Variants in SLC35G2 observed in about 807,000 individuals in gnomAD.
SLC35G2 encodes the protein transmembrane protein 22.
In SLC35G2, 20 loss-of-function variants were observed where a neutral mutation model predicts 27.2. The observed-to-expected ratio is 0.74, with a 90% CI of 0.52 to 1.07. The LOEUF is 1.07. SLC35G2 is among the 50% of genes least tolerant of loss of function. The pLI, the probability that SLC35G2 is intolerant of heterozygous loss-of-function variation, is 0.00. For missense variants in SLC35G2, 416 were observed against 493.3 expected, an observed-to-expected ratio of 0.84 and a Z score of 1.48; for synonymous variants, 148 against 165.3, an observed-to-expected ratio of 0.90 and a Z score of 0.80.
chr3:136,839,717 C>T (rs1212946289), intron 1 of SLC35G2, among the ~76,000 whole-genome samples: 1 of 152,176 alleles, frequency 6.6e-6, no homozygotes, highest in Non-Finnish European at 1.5e-5. Flanking sequence ...CCTCCCAGAG[C>T]CAGCTGTTGA....
intron 1 of SLC35G2, among the ~76,000 whole-genome samples, chr3:136,843,632 T>G (rs1036495039): frequency 6.7e-6 from 1 of 148,878 alleles, no homozygotes; most frequent in African/African-American, 2.5e-5. Flanking sequence ...GGCGACAGAG[T>G]GAGACCCTGT....
intron 1 of SLC35G2, chr3:136,838,700 C>T (rs889008390): frequency 6.6e-6 from 1 of 152,148 alleles, no homozygotes; most frequent in Admixed American, 6.5e-5. Context: ...AAAAATAGGA[C>T]AAATGTGAGC....
chr3:136,832,958 A>G (rs1375467790), intron 1 of SLC35G2, among the ~76,000 whole-genome samples: 1 of 152,002 alleles, frequency 6.6e-6, no homozygotes, highest in East Asian at 1.9e-4. Context: ...AGTCCCAGCT[A>G]CTTGGGAGGC....
chr3:136,826,195 C>A (rs564206269), intron 1 of SLC35G2, among the ~76,000 whole-genome samples: 1 of 152,026 alleles, frequency 6.6e-6, no homozygotes, highest in African/African-American at 2.4e-5. Context: ...CGCCACAATG[C>A]CCGGCTAATT....
At chr3:136,851,294 A>G (rs1257059567) in intron 1 of SLC35G2, among the ~76,000 whole-genome samples, 1 of 151,830 alleles carries the variant, frequency 6.6e-6, no homozygotes, top group Non-Finnish European at 1.5e-5. Flanking sequence ...GGAGATCGAG[A>G]CCGTCCTGGC....
At chr3:136,853,056 A>G (rs1181879660) in intron 1 of SLC35G2, among the ~76,000 whole-genome samples, 2 of 152,106 alleles carry the variant, frequency 1.3e-5, no homozygotes. Context: ...CAGTAAGTTC[A>G]ACTTTTTTTC....
intron 1 of SLC35G2, 30 bp from the exon 2 acceptor site, chr3:136,854,413 G>A (rs1937852528): frequency 7.2e-7 from 1 of 1,379,900 alleles, no homozygotes; most frequent in African/African-American, 1.5e-5. Flanking sequence ...TGAAATGAAT[G>A]TCTTTTTGTC....
intron 1 of SLC35G2, among the ~76,000 whole-genome samples, chr3:136,851,496 CAAAA>C (rs11427657): frequency 1.2e-4 from 8 of 66,508 alleles, no homozygotes; most frequent in East Asian, 5.8e-4. Flanking sequence ...GACTCCGTCT[CAAAA>C]AAAAAAAAAA....
intron 1 of SLC35G2, among the ~76,000 whole-genome samples, chr3:136,828,994 A>T (rs549546602): frequency 2.6e-5 from 4 of 152,198 alleles, no homozygotes; most frequent in Non-Finnish European, 5.9e-5. Context: ...TAAACATGCA[A>T]AAAAGAAAAC....
chr3:136,842,014 T>A (rs2108015298), intron 1 of SLC35G2: 1 of 152,316 alleles, frequency 6.6e-6, no homozygotes, highest in South Asian at 2.1e-4. Flanking sequence ...TAATAAGTTG[T>A]CTTAATATTT....
At chr3:136,840,907 G>C (rs1937063549) in intron 1 of SLC35G2, among the ~76,000 whole-genome samples, 3 of 147,452 alleles carry the variant, frequency 2.0e-5, no homozygotes, top group Non-Finnish European at 4.5e-5. Flanking sequence ...ACAGACGTGA[G>C]CCACTGTGCC....
At chr3:136,848,028 G>A (rs913600923) in intron 1 of SLC35G2, among the ~76,000 whole-genome samples, 1 of 152,130 alleles carries the variant, frequency 6.6e-6, no homozygotes, top group Non-Finnish European at 1.5e-5. Context: ...AACCCCATGA[G>A]CACAGGATAA....
intron 1 of SLC35G2, among the ~76,000 whole-genome samples, chr3:136,832,435 C>CT (rs1936752756): frequency 6.6e-6 from 1 of 152,186 alleles, no homozygotes; most frequent in East Asian, 1.9e-4. Flanking sequence ...ATTACTTTTG[C>CT]TTTGTTCACC....
chr3:136,838,820 T>G lies in SLC35G2; in HGVS notation c.-18-15623T>G, dbSNP rs1453447010. 3 of 152,246 alleles carry G rather than the reference T, an allele frequency of 2.0e-5. No individual in the cohort carries two copies. The East Asian group carries it at 5.8e-4, about 29-fold the overall frequency. 9.4% of individuals were successfully genotyped at this position (152,246 alleles called of 1,614,324 possible). ...TATCCTGGGCAGTTGGAAGCCTTCT[T>G]TAAACTCAGCTGGGCTGCTCTGATG... On this transcript the variant is annotated intron_variant, in intron 1 of 1. Transcript: ENST00000446465.
chr3:136,849,592 A>C (rs1192461825), intron 1 of SLC35G2, among the ~76,000 whole-genome samples: 1 of 151,828 alleles, frequency 6.6e-6, no homozygotes, highest in East Asian at 2.0e-4. Flanking sequence ...CCTGGGTTCA[A>C]GTGATTCTGG....
At chr3:136,823,099 C>T (rs1369432204) in intron 1 of SLC35G2, among the ~76,000 whole-genome samples, 1 of 152,142 alleles carries the variant, frequency 6.6e-6, no homozygotes, top group Non-Finnish European at 1.5e-5. Flanking sequence ...GGATAAAAGC[C>T]ATTTTAACTG....
chr3:136,838,101 G>C (rs1028696783), intron 1 of SLC35G2: 1 of 151,896 alleles, frequency 6.6e-6, no homozygotes, highest in African/African-American at 2.4e-5. Context: ...CTCCCGAAGT[G>C]TTAGGATTAC....
intron 1 of SLC35G2, 138 bp downstream of exon 1, chr3:136,819,766 CTG>C (rs1936399018): frequency 6.6e-6 from 1 of 152,252 alleles, no homozygotes; most frequent in African/African-American, 2.4e-5. Context: ...GAACGCCAGT[CTG>C]TGGGCGCTGA....
chr3:136,821,651 T>G (rs1257619785), intron 1 of SLC35G2, among the ~76,000 whole-genome samples: 1 of 152,188 alleles, frequency 6.6e-6, no homozygotes, highest in African/African-American at 2.4e-5. Flanking sequence ...AGGCTGGTCT[T>G]GAACTCCTGT....
Sources: allele counts gnomAD v4.1 joint callset (sites outside exome capture counted in the v4.1 genomes callset), GRCh38; gene constraint gnomAD v4.1.1; transcripts MANE v1.5; gene names NCBI Gene and HGNC (gene_info 2026-07-23, HGNC 2026-07-21).